Variants in SLC39A5 observed in about 807,000 individuals in gnomAD.
SLC39A5 encodes solute carrier family 39 member 5.
SLC39A5 carries 42 observed loss-of-function variants against 46.9 expected under a neutral mutation model. The ratio of observed to expected loss-of-function variants is 0.90; its 90% CI spans 0.70 to 1.16. SLC39A5 has a LOEUF of 1.16. Among genes scored for constraint, SLC39A5 ranks in the 50% most tolerant of loss-of-function variants. The probability of loss-of-function intolerance (pLI) is 0.00; values close to 1 mark genes in which losing one functional copy is unlikely to be tolerated. For synonymous variants in SLC39A5, 311 were observed against 323.1 expected (o/e 0.96, Z 0.40); for missense variants, 677 against 686.8 (o/e 0.99, Z 0.16).
chr12:56,232,502 G>C (rs1292535081), intron 4 of SLC39A5, among the ~76,000 whole-genome samples, 187 bp from the exon 5 acceptor site: 2 of 151,358 alleles, frequency 1.3e-5, no homozygotes, highest in South Asian at 4.2e-4. Flanking sequence ...TTTTTTTTCT[G>C]TCCCCCCCAG....
chr12:56,231,655 C>T, intron 4 of SLC39A5, 94 bp downstream of exon 4: 2 of 1,345,690 alleles, frequency 1.5e-6, no homozygotes, highest in Non-Finnish European at 2.0e-6. Context: ...CTCACGAGAT[C>T]CCTGGAGTTA....
At chr12:56,235,419 A>G in intron 7 of SLC39A5, 93 bp downstream of exon 7, 1 of 1,507,100 alleles carries the variant, frequency 6.6e-7, no homozygotes, top group Non-Finnish European at 8.8e-7. Context: ...ATCAGCTCCC[A>G]TATCCTACTC....
chr12:56,237,421 T>A, intron 12 of SLC39A5, 81 bp downstream of exon 12: 1 of 1,525,330 alleles, frequency 6.6e-7, no homozygotes, highest in South Asian at 1.3e-5. Flanking sequence ...TCCCTCCGCC[T>A]CTACCATTAG....
At position 56,231,301 on chromosome 12, in the gene SLC39A5, G is replaced by C. The variant is rs1870181440; in HGVS notation, c.27G>C (p.Leu9=). 6.2e-7 allele frequency: 1 copy of C among 1,610,702 alleles called. No homozygotes were observed. The highest frequency in any genetic ancestry group is 1.7e-5 in the Admixed American group (1 of 59,746). The change falls in exon 4 of 13, where the codon CTG becomes CTC. Residue 9 remains leucine, a synonymous_variant. Coordinates refer to ENST00000454355, the MANE Select transcript of SLC39A5 (RefSeq NM_173596.3). ...TGATGGGGTCCCCAGTGAGTCATCT[G>C]CTGGCCGGCTTCTGTGTGTGGGTCG... is the stretch of plus-strand genomic sequence containing the variant. MMGSPVSH[L]LAGFCVWVVL...
At position 56,231,334 on chromosome 12, in the gene SLC39A5, C is replaced by T. The variant is rs1464253866; in HGVS notation, c.60C>T (p.Gly20=). 1 of 1,613,464 alleles carries T rather than the reference C, an allele frequency of 6.2e-7. No homozygotes were observed. The highest frequency in any genetic ancestry group is 1.7e-5 in the Admixed American group (1 of 59,948). Residue 20 remains glycine, a synonymous_variant, in exon 4 of 13, where the codon GGC becomes GGT. Coordinates refer to ENST00000454355, the MANE Select transcript of SLC39A5 (RefSeq NM_173596.3). ...GCTTCTGTGTGTGGGTCGTCTTGGG[C>T]TGGGTAGGGGGCTCAGTCCCCAACC... ...LAGFCVWVVL[G]WVGGSVPNLG...
At position 56,237,243 on chromosome 12, in the gene SLC39A5, T is replaced by C; in HGVS notation, c.1382T>C (p.Val461Ala). ...GGAGCCCTGGGATTGGGGGGTGCAG[T>C]CCTGGGGGTGGGGCTCAGCCTGGGC... ...VSGALGLGGA[V>A]LGVGLSLGPV... Residue 461 changes from valine to alanine, a missense_variant, in exon 12 of 13, where the codon GTC becomes GCC. By Grantham distance (64) the Val-to-Ala change is moderately conservative. Coordinates refer to ENST00000454355, the MANE Select transcript of SLC39A5 (RefSeq NM_173596.3). 6.2e-7 allele frequency: 1 copy of C among 1,613,794 alleles called. No individual in the cohort carries two copies. The highest frequency in any genetic ancestry group is 8.5e-7 in the Non-Finnish European group (1 of 1,179,930).
rs1565599981 is a variant in SLC39A5 at position 56,234,833 on chromosome 12, G to A, written c.481G>A (p.Gly161Ser). 2 of 1,613,582 alleles carry A rather than the reference G, an allele frequency of 1.2e-6. No individual in the cohort carries two copies. The highest frequency in any genetic ancestry group is 1.7e-6 in the Non-Finnish European group (2 of 1,180,006). Residue 161 changes from glycine to serine, a missense_variant, in exon 6 of 13, where the codon GGC (glycine) becomes AGC (serine). Transcript: ENST00000454355. ...ADHLNEDCLN[G>S]SQLLVNFGLS... Reference sequence around the variant, plus strand: ...ACCCTCAATTCTCCAGTGTCTGAACGGCTCCCAGCTGCTGGTCAATTTTGG... The same window carrying A: ...ACCCTCAATTCTCCAGTGTCTGAACAGCTCCCAGCTGCTGGTCAATTTTGG...
chr12:56,234,802 T>G, intron 5 of SLC39A5, 22 bp from the exon 6 acceptor site: 1 of 1,612,832 alleles, frequency 6.2e-7, no homozygotes, highest in East Asian at 2.2e-5. Context: ...GATTCTCCAA[T>G]GTATGACCCT....
At chr12:56,235,841 G>A (rs1430243889) in intron 8 of SLC39A5, 141 bp downstream of exon 8, 68 of 1,081,044 alleles carry the variant, frequency 6.3e-5, no homozygotes, top group East Asian at 5.1e-4. Flanking sequence ...TTAGGAGTTC[G>A]AGTCCAGCCT....
At chr12:56,234,417 C>A (rs563258438) in intron 5 of SLC39A5, among the ~76,000 whole-genome samples, 16 of 151,442 alleles carry the variant, frequency 1.1e-4, no homozygotes, top group African/African-American at 3.6e-4. Flanking sequence ...TGGGTTCAAG[C>A]GATTCTCCTG....
At chr12:56,237,398 A>G in intron 12 of SLC39A5, 58 bp downstream of exon 12, 2 of 1,543,532 alleles carry the variant, frequency 1.3e-6, no homozygotes, top group South Asian at 2.5e-5. Context: ...GGGAGTGGAG[A>G]GGGAGGTAGC....
chr12:56,235,539 C>G, intron 7 of SLC39A5, 21 bp from the exon 8 acceptor site: 1 of 1,612,052 alleles, frequency 6.2e-7, no homozygotes, highest in South Asian at 1.1e-5. Flanking sequence ...CCAGAGTCTG[C>G]CCTGACCTTC....
intron 4 of SLC39A5, among the ~76,000 whole-genome samples, chr12:56,232,469 C>T (rs1870320865): frequency 6.6e-6 from 1 of 152,024 alleles, no homozygotes; most frequent in Admixed American, 6.6e-5. Context: ...CCCAGCCATT[C>T]GTAGCCCTTT....
rs112753844 is a variant in SLC39A5 at position 56,234,158 on chromosome 12, A to AT, written c.472-659dup. The stretch of plus-strand genomic sequence containing the variant: ...ACAGGTGTTAAATATATATATATAT[A>AT]TTTTTTTGAGGTAGAGTCTGACTCT... On this transcript the variant is annotated intron_variant, in intron 5 of 12. Coordinates refer to ENST00000454355, the MANE Select transcript of SLC39A5 (RefSeq NM_173596.3). Among the ~76,000 whole-genome samples the AT allele has an allele frequency of 4.2e-3, 641 of 151,154 alleles. 1 individual carries two copies. Among genetic ancestry groups the AT allele is most frequent in the African/African-American group, 8.5e-3 (348 of 41,134 alleles).
At position 56,231,282 on chromosome 12, in the gene SLC39A5, G is replaced by T; in HGVS notation, c.8G>T (p.Gly3Val). Residue 3 changes from glycine to valine, a missense_variant, in exon 4 of 13, where the codon GGG becomes GTG. Coordinates refer to ENST00000454355, the MANE Select transcript of SLC39A5 (RefSeq NM_173596.3). MM[G>V]SPVSHLLAGF... ...AAGCTATTCCCCTCACCAATGATGG[G>T]GTCCCCAGTGAGTCATCTGCTGGCC... 6.2e-7 allele frequency: 1 copy of T among 1,604,974 alleles called. No individual in the cohort carries two copies.
At position 56,237,443 on chromosome 12, in the gene SLC39A5, G is replaced by A; in HGVS notation, c.1479+103G>A. 2.0e-6 allele frequency: 3 copies of A among 1,530,426 alleles called. No homozygotes were observed. In the South Asian group the frequency reaches 3.7e-5, roughly 19 times the overall value. 94.8% of individuals were successfully genotyped at this position (1,530,426 alleles called of 1,614,324 possible). On this transcript the variant is annotated intron_variant, in intron 12 of 12. Transcript: ENST00000454355. ...GCCTCTACCATTAGCTCCTGGAAGGGCGTCAGACCATAGGCCCGCAAAAGT... is the reference window on the plus strand; with the variant it reads ...GCCTCTACCATTAGCTCCTGGAAGGACGTCAGACCATAGGCCCGCAAAAGT...
intron 5 of SLC39A5, among the ~76,000 whole-genome samples, chr12:56,233,380 G>A (rs568391128): frequency 2.6e-5 from 4 of 151,406 alleles, no homozygotes; most frequent in South Asian, 4.2e-4. Flanking sequence ...AACCCAGGAG[G>A]CGGAGATTGC....
At position 56,236,290 on chromosome 12, in the gene SLC39A5, G is replaced by A. The variant is rs1870754224; in HGVS notation, c.946-106G>A. 9 of 985,406 alleles carry A rather than the reference G, an allele frequency of 9.1e-6. No individual in the cohort carries two copies. In the Admixed American group the frequency reaches 1.8e-4, roughly 19 times the overall value. The allele number at this position is 985,406 out of a possible 1,614,324, so 61.0% of individuals were successfully genotyped here. On this transcript the variant is annotated intron_variant, in intron 8 of 12. Transcript: ENST00000454355. The stretch of plus-strand genomic sequence containing the variant: ...GTAGAGGCCAAAGAACATCCCAGGT[G>A]CCAGAGGTGGAACCAGGTGTTCATC...
Position 56,234,878 on chromosome 12 carries a change from C to G in SLC39A5, c.526C>G (p.Leu176Val). The change falls in exon 6 of 13, where the codon CTG becomes GTG. Residue 176 changes from leucine (L) to valine (V), a missense_variant. Leu to Val is a conservative substitution (Grantham distance 32). Coordinates refer to ENST00000454355, the MANE Select transcript of SLC39A5 (RefSeq NM_173596.3). ...VNFGLSPAAPLTPRQFALLCP... is the reference protein window; with the variant it reads ...VNFGLSPAAPVTPRQFALLCP... ...TTTTGGCTTGAGCCCCGCTGCTCCT[C>G]TGACCCCTCGTCAGTTTGCTCTGCT... is the stretch of plus-strand genomic sequence containing the variant. 1 of 1,613,818 alleles carries G rather than the reference C, an allele frequency of 6.2e-7. No homozygotes were observed. Among genetic ancestry groups the G allele is most frequent in the Non-Finnish European group, 8.5e-7 (1 of 1,180,042 alleles).
Sources: gnomAD v4.1 joint callset for allele counts (sites outside exome capture counted in the v4.1 genomes callset) on GRCh38, gnomAD v4.1.1 for gene constraint, MANE v1.5 for transcripts, NCBI Gene and HGNC (gene_info 2026-07-23, HGNC 2026-07-21) for gene names.